MAP1B: variants seen among roughly 807,000 people sequenced by gnomAD.
MAP1B encodes microtubule-associated protein 1B.
Under a neutral mutation model 176.1 loss-of-function variants are expected in MAP1B, and 12 were observed. The observed-to-expected ratio is 0.07, with a 90% CI of 0.04 to 0.11. The LOEUF (loss-of-function observed/expected upper bound fraction) is 0.11, where lower values mean the gene tolerates loss of function less well. MAP1B is among the 10% of genes least tolerant of loss of function. The probability of loss-of-function intolerance (pLI) is 1.00; values close to 1 mark genes in which losing one functional copy is unlikely to be tolerated. For synonymous variants in MAP1B, 1,044 were observed against 1,135.0 expected (o/e 0.92, Z 1.61); for missense variants, 2,523 against 2,990.5 (o/e 0.84, Z 3.65).
At chr5:72,143,363 C>T (rs1200527160) in intron 2 of MAP1B, among the ~76,000 whole-genome samples, 1 of 152,142 alleles carries the variant, frequency 6.6e-6, no homozygotes, top group African/African-American at 2.4e-5. Flanking sequence ...TTTAAGTACC[C>T]TCAACAGAAT....
intron 2 of MAP1B, among the ~76,000 whole-genome samples, chr5:72,150,279 C>T (rs965852342): frequency 1.3e-5 from 2 of 152,212 alleles, no homozygotes; most frequent in Non-Finnish European, 2.9e-5. Context: ...CGTTATTACT[C>T]AGAAAACCTA....
intron 4 of MAP1B, among the ~76,000 whole-genome samples, chr5:72,193,631 G>A (rs1488345259): frequency 1.3e-5 from 2 of 152,150 alleles, no homozygotes; most frequent in African/African-American, 4.8e-5. Context: ...GGGCGAGTGG[G>A]TACTGGTTGA....
At position 72,151,080 on chromosome 5, in the gene MAP1B, A is replaced by G. The variant is rs143420779; in HGVS notation, c.287-32663A>G. ...TGGCTCATGGATCTGCAGGCTGTAC[A>G]AGAAGCCTGGCGTTGGCATCTGCTT... On this transcript the variant is annotated intron_variant, in intron 2 of 6. Transcript: ENST00000296755. Among the ~76,000 whole-genome samples, 928 of 152,258 alleles carry G rather than the reference A, an allele frequency of 6.1e-3. 5 individuals carry two copies. Among genetic ancestry groups the G allele is most frequent in the Admixed American group, 0.012 (186 of 15,290 alleles).
At chr5:72,183,474 A>C (rs1178188538) in intron 2 of MAP1B, among the ~76,000 whole-genome samples, 1 of 152,212 alleles carries the variant, frequency 6.6e-6, no homozygotes, top group South Asian at 2.1e-4. Flanking sequence ...TACCGCAAGG[A>C]GGCTGCCTAG....
At chr5:72,116,598 A>C in intron 2 of MAP1B, 1 of 260,714 alleles carries the variant, frequency 3.8e-6, no homozygotes, top group South Asian at 3.7e-5. Context: ...AATAACCTAT[A>C]TTCCTCCCAT....
rs536209057 is a variant in MAP1B at position 72,186,762 on chromosome 5, C to T, written c.510+8C>T. The T allele has an allele frequency of 2.8e-4, 459 of 1,613,796 alleles. 6 individuals carry two copies. In the South Asian group the frequency reaches 4.6e-3, roughly 16 times the overall value. ...ATTTTCACCGATCAAGAGGTAGGTT[C>T]GTGTCTGAGAATATCTGTGCTTCTA... On this transcript the variant is annotated splice_region_variant and intron_variant, in intron 4 of 6. Transcript: ENST00000296755. The surrounding 1 kb of genome is among the most constrained non-coding windows in gnomAD (Gnocchi z 4.3).
intron 2 of MAP1B, among the ~76,000 whole-genome samples, chr5:72,182,275 C>T (rs1055801699): frequency 6.6e-6 from 1 of 152,190 alleles, no homozygotes; most frequent in Non-Finnish European, 1.5e-5. Context: ...CTAATCTACT[C>T]TCTAACTCTA....
intron 2 of MAP1B, among the ~76,000 whole-genome samples, chr5:72,135,475 C>T (rs1241112873): frequency 7.2e-5 from 11 of 152,122 alleles, no homozygotes; most frequent in Admixed American, 7.2e-4. Context: ...TCTTACCAGT[C>T]TTGATTTCCT....
intron 1 of MAP1B, among the ~76,000 whole-genome samples, chr5:72,113,721 G>A (rs1408662346): frequency 6.6e-6 from 1 of 152,210 alleles, no homozygotes; most frequent in African/African-American, 2.4e-5. Flanking sequence ...AGAAGACAAA[G>A]TAGAGCTCAG....
At chr5:72,192,563 C>G (rs887555253) in intron 4 of MAP1B, among the ~76,000 whole-genome samples, 4 of 152,174 alleles carry the variant, frequency 2.6e-5, no homozygotes, top group Non-Finnish European at 5.9e-5. Flanking sequence ...TATTCTTACA[C>G]ACATTCATAA....
In MAP1B at chr5:72,205,084, G is replaced by T. The variant is rs756514884; in HGVS notation, c.7252G>T (p.Val2418Leu). Residue 2418 changes from valine to leucine, a missense_variant and splice_region_variant, in exon 7 of 7, where the codon GTG becomes TTG. Coordinates refer to ENST00000296755, the MANE Select transcript of MAP1B (RefSeq NM_005909.5). ...CTATTTTTTTTTTCTCTCCCTGCAG[G>T]TGACACTGATCCCAACTCATGACTC... ...GKAQWGSNMQ[V>L]TLIPTHDSEV... The T allele has an allele frequency of 1.2e-6, 2 of 1,605,714 alleles. No homozygotes were observed. The highest frequency in any genetic ancestry group is 1.7e-6 in the Non-Finnish European group (2 of 1,177,660).
At chr5:72,130,476 G>A (rs943862443) in intron 2 of MAP1B, among the ~76,000 whole-genome samples, 12 of 152,146 alleles carry the variant, frequency 7.9e-5, no homozygotes, top group Admixed American at 3.9e-4. Context: ...TAAAGTTAGC[G>A]CTTAGGTTTG....
intron 2 of MAP1B, among the ~76,000 whole-genome samples, chr5:72,138,943 A>G (rs1366496722): frequency 6.6e-6 from 1 of 152,136 alleles, no homozygotes; most frequent in Non-Finnish European, 1.5e-5. Context: ...GGCACATAGT[A>G]TTTTACAGTC....
At chr5:72,121,637 G>A (rs546341676) in intron 2 of MAP1B, among the ~76,000 whole-genome samples, 16 of 152,244 alleles carry the variant, frequency 1.1e-4, no homozygotes, top group East Asian at 3.9e-4. Flanking sequence ...AATGAGGCAC[G>A]GGTTACAACT....
chr5:72,160,218 TA>T (rs11402347), intron 2 of MAP1B, among the ~76,000 whole-genome samples: 36 of 145,820 alleles, frequency 2.5e-4, no homozygotes, highest in Middle Eastern at 3.6e-3. Context: ...GTTGGAAACT[TA>T]AAAAAAAAAA....
chr5:72,196,643 C>T lies in MAP1B; in HGVS notation c.3288C>T (p.Ser1096=), dbSNP rs768215895. The change falls in exon 5 of 7, where the codon AGC becomes AGT. Residue 1096 remains serine (S), a synonymous_variant. Coordinates refer to ENST00000296755, the MANE Select transcript of MAP1B (RefSeq NM_005909.5). The surrounding 1 kb of genome is among the most constrained non-coding windows in gnomAD (Gnocchi z 5.3). ...HDETLPGGSE[S]EATASDEENR... ...AGACTTTACCTGGAGGCTCAGAGAG[C>T]GAGGCCACCGCTTCTGATGAGGAGA... 3.3e-5 allele frequency: 54 copies of T among 1,613,884 alleles called. No individual in the cohort carries two copies. The highest frequency in any genetic ancestry group is 1.5e-4 in the Admixed American group (9 of 60,002).
chr5:72,200,448 C>T lies in MAP1B; in HGVS notation c.7012+81C>T, dbSNP rs142759719. 4.8e-4 allele frequency: 734 copies of T among 1,513,852 alleles called. 4 individuals are homozygous for T. The African/African-American group carries it at 8.7e-3, about 18-fold the overall frequency. 93.8% of individuals were successfully genotyped at this position (1,513,852 alleles called of 1,614,324 possible). Reference sequence around the variant, plus strand: ...ACAGCCTTTATATTTCCCTGTTTGGCTTTGTACTGGGAAGATGAGGGAGCA... The same window carrying T: ...ACAGCCTTTATATTTCCCTGTTTGGTTTTGTACTGGGAAGATGAGGGAGCA... On this transcript the variant is annotated intron_variant, in intron 5 of 6. Coordinates refer to ENST00000296755, the MANE Select transcript of MAP1B (RefSeq NM_005909.5).
intron 2 of MAP1B, among the ~76,000 whole-genome samples, chr5:72,166,129 C>G (rs1206112350): frequency 6.6e-6 from 1 of 152,184 alleles, no homozygotes; most frequent in Non-Finnish European, 1.5e-5. Flanking sequence ...CTGTAATATG[C>G]TAGCTGTGGT....
At chr5:72,145,230 A>C (rs1281142300) in intron 2 of MAP1B, among the ~76,000 whole-genome samples, 2 of 152,214 alleles carry the variant, frequency 1.3e-5, no homozygotes, top group African/African-American at 4.8e-5. Flanking sequence ...AATGATAGAA[A>C]GATACTATTG....
Sources: allele counts gnomAD v4.1 joint callset (sites outside exome capture counted in the v4.1 genomes callset), GRCh38; gene constraint gnomAD v4.1.1; non-coding constraint Gnocchi (gnomAD v3.1); transcripts MANE v1.5; gene names NCBI Gene and HGNC (gene_info 2026-07-23, HGNC 2026-07-21).